Variants in SENP1 observed in about 807,000 individuals in gnomAD.
SENP1 encodes SUMO specific peptidase 1.
In SENP1, 21 loss-of-function variants were observed where a neutral mutation model predicts 93.0. The ratio of observed to expected loss-of-function variants is 0.23; its 90% CI spans 0.16 to 0.33. The LOEUF (loss-of-function observed/expected upper bound fraction) is 0.33. SENP1 is among the 10% of genes least tolerant of loss of function. The pLI is 1.00. For missense variants in SENP1, 591 were observed against 758.7 expected, an observed-to-expected ratio of 0.78 and a Z score of 2.60; for synonymous variants, 256 against 259.6, an observed-to-expected ratio of 0.99 and a Z score of 0.13.
intron 6 of SENP1, among the ~76,000 whole-genome samples, chr12:48,075,216 A>AAAAAC (rs58188197): frequency 0.24 from 36,188 of 150,328 alleles, 4,963 homozygotes; most frequent in East Asian, 0.52. Flanking sequence ...CTCTGTCTCA[A>AAAAAC]AAAACAAAAC....
chr12:48,059,256 T>C (rs10128968), intron 13 of SENP1, among the ~76,000 whole-genome samples: 14,216 of 152,238 alleles, frequency 0.093, 763 homozygotes, highest in African/African-American at 0.12. Flanking sequence ...CTGTCTGGTA[T>C]AATCCCACAG....
chr12:48,044,490 A>T lies in SENP1; in HGVS notation c.*832T>A, dbSNP rs896694341. Reference sequence around the variant, plus strand: ...TCATCCAGCGCTGGAATTTTATGCTAAATACTAAGGTCCTTTTTCTTCTTG... The same window carrying T: ...TCATCCAGCGCTGGAATTTTATGCTTAATACTAAGGTCCTTTTTCTTCTTG... On this transcript the variant is annotated 3_prime_UTR_variant, in exon 18 of 18. Coordinates refer to ENST00000549518, the MANE Select transcript of SENP1 (RefSeq NM_001267594.2). The T allele has an allele frequency of 6.6e-6, 1 of 151,866 alleles. No individual in the cohort carries two copies. Among genetic ancestry groups the T allele is most frequent in the African/African-American group, 2.4e-5 (1 of 41,312 alleles). The allele number at this position is 151,866 out of a possible 1,614,324, so 9.4% of individuals were successfully genotyped here.
At chr12:48,097,846 G>A (rs1353290520) in intron 3 of SENP1, 148 bp downstream of exon 3, 2 of 677,906 alleles carry the variant, frequency 3.0e-6, no homozygotes, top group Non-Finnish European at 4.8e-6. Context: ...TTAATATATA[G>A]AGCAGAATTC....
intron 14 of SENP1, among the ~76,000 whole-genome samples, chr12:48,048,472 T>A (rs189224687): frequency 9.9e-4 from 151 of 152,362 alleles, no homozygotes; most frequent in Non-Finnish European, 2.0e-3. Flanking sequence ...TATTGAGAAG[T>A]TCCTTTTGGC....
At chr12:48,091,410 A>G (rs1331840192) in intron 4 of SENP1, among the ~76,000 whole-genome samples, 1 of 151,828 alleles carries the variant, frequency 6.6e-6, no homozygotes, top group East Asian at 1.9e-4. Context: ...AGATCGTGCC[A>G]CTGCACTCCA....
At chr12:48,093,210 A>T (rs1945321906) in intron 4 of SENP1, among the ~76,000 whole-genome samples, 1 of 152,204 alleles carries the variant, frequency 6.6e-6, no homozygotes, top group African/African-American at 2.4e-5. Flanking sequence ...CAGAGATTTT[A>T]AAAAAGAAAA....
intron 5 of SENP1, among the ~76,000 whole-genome samples, chr12:48,086,049 C>G (rs9971924): frequency 0.71 from 107,860 of 152,144 alleles, 39,184 homozygotes; most frequent in East Asian, 0.99. Flanking sequence ...AAAGGGCTTC[C>G]ACTAGCCAAA....
At chr12:48,076,654 T>TTC (rs1268991002) in intron 6 of SENP1, among the ~76,000 whole-genome samples, 1 of 149,422 alleles carries the variant, frequency 6.7e-6, no homozygotes, top group Admixed American at 6.7e-5. Context: ...TTTTTTTTTT[T>TTC]CTTTTTTGAG....
intron 4 of SENP1, 65 bp from the exon 5 acceptor site, chr12:48,089,025 C>A: frequency 1.3e-6 from 2 of 1,538,426 alleles, no homozygotes; most frequent in Non-Finnish European, 1.8e-6. Context: ...ATGACTGCAA[C>A]CATGACCAAC....
At chr12:48,055,484 G>A (rs1942167302) in intron 13 of SENP1, 1 of 152,112 alleles carries the variant, frequency 6.6e-6, no homozygotes, top group African/African-American at 2.4e-5. Context: ...TGGCTCATGA[G>A]GGCCATTGCA....
intron 6 of SENP1, chr12:48,081,570 G>GC (rs553938348): frequency 3.4e-5 from 4 of 119,336 alleles, no homozygotes; most frequent in Non-Finnish European, 6.8e-5. Context: ...GTGTTTTTTC[G>GC]TTTTTTTTTT....
chr12:48,093,069 C>A (rs891375425), intron 4 of SENP1, among the ~76,000 whole-genome samples: 6 of 152,058 alleles, frequency 3.9e-5, no homozygotes, highest in African/African-American at 1.4e-4. Flanking sequence ...AGTTCTATAT[C>A]CAAATTTTAA....
chr12:48,100,491 C>T (rs1397779543), intron 2 of SENP1, among the ~76,000 whole-genome samples: 1 of 151,128 alleles, frequency 6.6e-6, no homozygotes, highest in Non-Finnish European at 1.5e-5. Flanking sequence ...ATTAGCCGGA[C>T]TTGGCGGCGC....
chr12:48,077,486 A>G (rs1944182471), intron 6 of SENP1, among the ~76,000 whole-genome samples: 1 of 152,188 alleles, frequency 6.6e-6, no homozygotes, highest in Non-Finnish European at 1.5e-5. Flanking sequence ...ATGGAAATAT[A>G]ATTTTCCCAA....
At chr12:48,076,170 A>G (rs868245353) in intron 6 of SENP1, among the ~76,000 whole-genome samples, 1 of 152,248 alleles carries the variant, frequency 6.6e-6, no homozygotes. Context: ...AATCTTATAT[A>G]CAGTTTAATA....
chr12:48,053,663 TGA>T (rs1033780406), intron 13 of SENP1, among the ~76,000 whole-genome samples: 1 of 152,154 alleles, frequency 6.6e-6, no homozygotes, highest in African/African-American at 2.4e-5. Context: ...GCTGAATAGC[TGA>T]GAGATATCTC....
chr12:48,099,971 T>A (rs1338902607), intron 2 of SENP1, among the ~76,000 whole-genome samples: 1 of 151,966 alleles, frequency 6.6e-6, no homozygotes, highest in Non-Finnish European at 1.5e-5. Context: ...ATAGAAGCAA[T>A]AAACGTAACA....
rs1044322954 is a variant in SENP1 at position 48,071,658 on chromosome 12, A to G, written c.995+9T>C. 2.5e-6 allele frequency: 4 copies of G among 1,587,278 alleles called. No individual in the cohort carries two copies. The highest frequency in any genetic ancestry group is 3.5e-6 in the Non-Finnish European group (4 of 1,157,418). On this transcript the variant is annotated intron_variant, in intron 9 of 17. Transcript: ENST00000549518. ...AATTAATAAAGAACAAGCTTTTTCC[A>G]AAGTTTACCTGGGAGTTGGAGTCTG...
At chr12:48,054,622 T>G (rs1942082687) in intron 13 of SENP1, among the ~76,000 whole-genome samples, 1 of 152,102 alleles carries the variant, frequency 6.6e-6, no homozygotes, top group Admixed American at 6.6e-5. Context: ...AAACCCCATC[T>G]CTACTAAAAA....
Sources: gnomAD v4.1 joint callset for allele counts (sites outside exome capture counted in the v4.1 genomes callset) on GRCh38, gnomAD v4.1.1 for gene constraint, MANE v1.5 for transcripts, NCBI Gene and HGNC (gene_info 2026-07-23, HGNC 2026-07-21) for gene names.